CFAP100: variants seen among roughly 807,000 people sequenced by gnomAD.
CFAP100 encodes cilia and flagella associated protein 100, also known as cilia- and flagella-associated protein 100.
Under a neutral mutation model 81.5 loss-of-function variants are expected in CFAP100, and 70 were observed. That is an observed-to-expected ratio of 0.86 (90% CI 0.71 to 1.05). The LOEUF (loss-of-function observed/expected upper bound fraction) is 1.05, where lower values mean the gene tolerates loss of function less well. Ranked by LOEUF, CFAP100 falls within the 50% of genes least tolerant of loss-of-function variation. CFAP100 has a pLI of 0.00. For missense variants in CFAP100, 811 were observed against 776.5 expected (o/e 1.04, Z -0.53); for synonymous variants, 341 against 314.8 (o/e 1.08, Z -0.88).
rs373852507 is a variant in CFAP100, at chr3:126,420,143, G to T, written c.996G>T (p.Thr332=). ...GTKKPWRFLQ[T]MRLGRSPSYL... Reference sequence around the variant, plus strand: ...AGAAGCCCTGGAGGTTTCTGCAGACGATGCGGCTGGGGCGGAGCCCGTCTT... The same window carrying T: ...AGAAGCCCTGGAGGTTTCTGCAGACTATGCGGCTGGGGCGGAGCCCGTCTT... The change falls in exon 11 of 17, where the codon ACG becomes ACT. Residue 332 remains threonine (T), a synonymous_variant. Transcript: ENST00000352312. 1 of 1,613,300 alleles carries T rather than the reference G, an allele frequency of 6.2e-7. No homozygotes were observed. The highest frequency in any genetic ancestry group is 1.3e-5 in the African/African-American group (1 of 75,078).
chr3:126,408,632 C>T lies in CFAP100; in HGVS notation c.130+1380C>T, dbSNP rs370605990. Among the ~76,000 whole-genome samples, 24 of 152,292 alleles carry T rather than the reference C, an allele frequency of 1.6e-4. No homozygotes were observed. In the South Asian group the frequency reaches 4.6e-3, roughly 29 times the overall value. On this transcript the variant is annotated intron_variant, in intron 3 of 16. Transcript: ENST00000352312. ...TAGCCCCAGGTGCTTGACTAGATCC[C>T]GGCTCCCCTTGGTCATGAGGCTCTT... is the stretch of plus-strand genomic sequence containing the variant.
intron 13 of CFAP100, among the ~76,000 whole-genome samples, chr3:126,430,747 T>C (rs903003051): frequency 2.7e-5 from 4 of 147,470 alleles, no homozygotes; most frequent in East Asian, 2.0e-4. Flanking sequence ...CATTGCATTC[T>C]TAGCTCAATA....
chr3:126,417,043 G>A (rs898536884), intron 5 of CFAP100, among the ~76,000 whole-genome samples: 2 of 152,210 alleles, frequency 1.3e-5, no homozygotes, highest in Non-Finnish European at 2.9e-5. Flanking sequence ...GCTGTATTGC[G>A]TGATTCGGAA....
intron 11 of CFAP100, among the ~76,000 whole-genome samples, chr3:126,421,562 C>T (rs1232842607): frequency 3.3e-5 from 5 of 152,200 alleles, no homozygotes; most frequent in South Asian, 2.1e-4. Flanking sequence ...CCCTACATCC[C>T]TGCCCGGGCC....
At chr3:126,418,383 C>A in intron 5 of CFAP100, 75 bp from the exon 6 acceptor site, 1 of 1,374,488 alleles carries the variant, frequency 7.3e-7, no homozygotes, top group Non-Finnish European at 1.0e-6. Flanking sequence ...CGGTGGAAGG[C>A]TCCTCTGCAG....
intron 13 of CFAP100, among the ~76,000 whole-genome samples, chr3:126,429,640 A>G (rs181982011): frequency 8.7e-4 from 113 of 130,560 alleles, no homozygotes; most frequent in African/African-American, 3.1e-3. Flanking sequence ...TTTTGTACTT[A>G]CCATGAAACT....
chr3:126,398,686 C>T (rs1003222391), intron 2 of CFAP100, among the ~76,000 whole-genome samples: 1 of 152,228 alleles, frequency 6.6e-6, no homozygotes. Context: ...ACATGATCTT[C>T]AGTAATCTAA....
chr3:126,420,507 T>C (rs2083313503), intron 11 of CFAP100: 1 of 478,526 alleles, frequency 2.1e-6, no homozygotes, highest in East Asian at 3.9e-5. Context: ...TTCGGGCTCT[T>C]GGACAAAGGC....
rs144751770 is a variant in CFAP100 at position 126,420,106 on chromosome 3, G to A, written c.959G>A (p.Gly320Asp). The change falls in exon 11 of 17, where the codon GGT (glycine) becomes GAT (aspartate). Residue 320 changes from glycine (G) to aspartate (D), a missense_variant. By Grantham distance (94) the Gly-to-Asp change is moderately conservative (BLOSUM62 -1). Coordinates refer to ENST00000352312, the MANE Select transcript of CFAP100 (RefSeq NM_182628.3). ...ACTATTCCTCTGCTTTCTCCAGAGG[G>A]TCAGGGTACAAAGAAGCCCTGGAGG... The part of the protein sequence containing the change: ...GKASSMWAKE[G>D]QGTKKPWRFL... 3.7e-4 allele frequency: 601 copies of A among 1,613,336 alleles called. 2 individuals are homozygous for A. The African/African-American group carries it at 7.3e-3, about 19-fold the overall frequency.
At chr3:126,407,865 A>C (rs747972268) in intron 3 of CFAP100, among the ~76,000 whole-genome samples, 3 of 152,206 alleles carry the variant, frequency 2.0e-5, no homozygotes, top group Non-Finnish European at 4.4e-5. Context: ...GTAGCCCTGA[A>C]CAGGGCATCG....
At chr3:126,411,926 A>AT (rs1162354344) in intron 3 of CFAP100, among the ~76,000 whole-genome samples, 4 of 150,684 alleles carry the variant, frequency 2.7e-5, no homozygotes, top group South Asian at 2.1e-4. Flanking sequence ...GATATTTGCT[A>AT]TTTTTTTTCT....
At chr3:126,420,609 TG>T in intron 11 of CFAP100, 1 of 206,354 alleles carries the variant, frequency 4.8e-6, no homozygotes, top group Non-Finnish European at 9.8e-6. Context: ...GACAGTGGAT[TG>T]GGTGGTTTGC....
chr3:126,409,972 G>A (rs1187338216), intron 3 of CFAP100, among the ~76,000 whole-genome samples: 2 of 152,138 alleles, frequency 1.3e-5, no homozygotes, highest in Admixed American at 1.3e-4. Context: ...AGGCCGAGGC[G>A]GGTGGATTAC....
At position 126,416,444 on chromosome 3, in the gene CFAP100, C is replaced by G. The variant is rs1009220894; in HGVS notation, c.354C>G (p.Arg118=). 12 of 1,610,584 alleles carry G rather than the reference C, an allele frequency of 7.5e-6. No individual in the cohort carries two copies. Among genetic ancestry groups the G allele is most frequent in the Non-Finnish European group, 1.0e-5 (12 of 1,178,944 alleles). The change falls in exon 5 of 17, where the codon CGC becomes CGG. Residue 118 remains arginine (R), a synonymous_variant. Transcript: ENST00000352312. ...ACAAGCAGGAGGACCTGGAGGCGCG[C>G]GCCGAGGCCGAGCATCAGCGCGCCT... The part of the protein sequence containing the change: ...LEDKQEDLEA[R]AEAEHQRAFR...
chr3:126,395,735 G>T (rs1257759100), intron 1 of CFAP100, among the ~76,000 whole-genome samples: 1 of 152,214 alleles, frequency 6.6e-6, no homozygotes, highest in Non-Finnish European at 1.5e-5. Context: ...TTGAGGCCAA[G>T]ATTGATGTGT....
rs779585872 is a variant in CFAP100, at chr3:126,420,153, G to T, written c.1006G>T (p.Gly336Trp). 2 of 1,612,858 alleles carry T rather than the reference G, an allele frequency of 1.2e-6. No individual in the cohort carries two copies. The highest frequency in any genetic ancestry group is 1.7e-5 in the Admixed American group (1 of 60,000). ...GAGGTTTCTGCAGACGATGCGGCTG[G>T]GGCGGAGCCCGTCTTACCTGAGCAG... is the stretch of plus-strand genomic sequence containing the variant. The part of the protein sequence containing the change: ...PWRFLQTMRL[G>W]RSPSYLSSPQ... Residue 336 changes from glycine (G) to tryptophan (W), a missense_variant, in exon 11 of 17, where the codon GGG (glycine) becomes TGG (tryptophan). Physicochemically the swap from Gly to Trp is radical, Grantham distance 184. Transcript: ENST00000352312.
intron 3 of CFAP100, among the ~76,000 whole-genome samples, chr3:126,411,686 G>T (rs1306494139): frequency 6.6e-6 from 1 of 151,916 alleles, no homozygotes; most frequent in Non-Finnish European, 1.5e-5. Context: ...TCTGGGTTTT[G>T]TTTGTGCACA....
chr3:126,395,178 A>C (rs2082868582), intron 1 of CFAP100, 200 bp downstream of exon 1: 1 of 152,222 alleles, frequency 6.6e-6, no homozygotes. Flanking sequence ...CTGTCCTACC[A>C]TCCCTGTGCA....
intron 3 of CFAP100, among the ~76,000 whole-genome samples, chr3:126,412,336 A>G (rs973456953): frequency 6.6e-6 from 1 of 152,078 alleles, no homozygotes; most frequent in African/African-American, 2.4e-5. Flanking sequence ...TCCCCACCTC[A>G]GGATCCTTAG....
Sources: allele counts gnomAD v4.1 joint callset (sites outside exome capture counted in the v4.1 genomes callset), GRCh38; gene constraint gnomAD v4.1.1; transcripts MANE v1.5; gene names NCBI Gene and HGNC (gene_info 2026-07-23, HGNC 2026-07-21).